Variants in MARCHF6 observed in about 807,000 individuals in gnomAD.
MARCHF6 encodes the protein E3 ubiquitin-protein ligase MARCHF6.
MARCHF6 carries 31 observed loss-of-function variants against 133.7 expected under a neutral mutation model. The observed-to-expected ratio is 0.23, with a 90% CI of 0.17 to 0.31. MARCHF6 has a LOEUF of 0.31. Ranked by LOEUF, MARCHF6 falls within the 10% of genes least tolerant of loss-of-function variation. The pLI, the probability that MARCHF6 is intolerant of heterozygous loss-of-function variation, is 1.00. For missense variants in MARCHF6, 723 were observed against 1,121.6 expected, an observed-to-expected ratio of 0.64 and a Z score of 5.08; for synonymous variants, 395 against 402.5, an observed-to-expected ratio of 0.98 and a Z score of 0.22.
intron 9 of MARCHF6, among the ~76,000 whole-genome samples, chr5:10,396,468 T>A (rs1415787936): frequency 6.6e-6 from 1 of 152,062 alleles, no homozygotes; most frequent in African/African-American, 2.4e-5. Flanking sequence ...TGAGAAGAAA[T>A]GTAGTAGTCA....
At chr5:10,400,707 T>C (rs1738477992) in intron 10 of MARCHF6, 77 bp from the exon 11 acceptor site, 1 of 1,065,198 alleles carries the variant, frequency 9.4e-7, no homozygotes, top group Non-Finnish European at 1.5e-6. Context: ...CCCTAGTTCC[T>C]TTTAGTGGGG....
intron 9 of MARCHF6, among the ~76,000 whole-genome samples, chr5:10,396,175 A>G (rs1579575668): frequency 2.0e-5 from 3 of 152,360 alleles, no homozygotes; most frequent in Middle Eastern, 3.4e-3. Flanking sequence ...TTCAATGCCT[A>G]TGAATGAGAC....
chr5:10,390,191 A>AT, intron 5 of MARCHF6, 141 bp from the exon 6 acceptor site: 1 of 672,700 alleles, frequency 1.5e-6, no homozygotes, highest in East Asian at 2.8e-5. Flanking sequence ...GAAACTTGAG[A>AT]TTTTCATCCA....
At chr5:10,388,044 T>C (rs961244689) in intron 5 of MARCHF6, among the ~76,000 whole-genome samples, 2 of 152,246 alleles carry the variant, frequency 1.3e-5, no homozygotes, top group Non-Finnish European at 2.9e-5. Context: ...ATTATTAGAA[T>C]ATAAATGCTA....
At chr5:10,401,922 C>G in intron 11 of MARCHF6, 137 bp from the exon 12 acceptor site, 1 of 612,974 alleles carries the variant, frequency 1.6e-6, no homozygotes, top group South Asian at 2.2e-5. Flanking sequence ...TCATCCAAAG[C>G]AGATTTTACA....
intron 5 of MARCHF6, among the ~76,000 whole-genome samples, chr5:10,388,443 A>G (rs566217271): frequency 1.3e-5 from 2 of 152,260 alleles, no homozygotes; most frequent in South Asian, 4.2e-4. Context: ...GGTCATGTCT[A>G]GGTGCACTGT....
chr5:10,422,383 A>G (rs551432044), intron 22 of MARCHF6, among the ~76,000 whole-genome samples: 38 of 152,328 alleles, frequency 2.5e-4, no homozygotes, highest in Admixed American at 1.9e-3. Context: ...TGTAGTTTGA[A>G]GGGGCTCATG....
At chr5:10,378,618 G>A (rs941949504) in intron 2 of MARCHF6, 141 bp from the exon 3 acceptor site, 2 of 580,864 alleles carry the variant, frequency 3.4e-6, no homozygotes, top group African/African-American at 2.0e-5. Context: ...GTTACAAAAA[G>A]TTAAGAATAT....
intron 8 of MARCHF6, among the ~76,000 whole-genome samples, 186 bp from the exon 9 acceptor site, chr5:10,394,567 A>T (rs1257962622): frequency 6.6e-6 from 1 of 152,226 alleles, no homozygotes; most frequent in Non-Finnish European, 1.5e-5. Context: ...GACCCAAAAT[A>T]TAAAACTCTC....
At chr5:10,365,819 T>C (rs1400768382) in intron 1 of MARCHF6, among the ~76,000 whole-genome samples, 1 of 152,218 alleles carries the variant, frequency 6.6e-6, no homozygotes, top group Non-Finnish European at 1.5e-5. Flanking sequence ...TTACAGTGGC[T>C]GTCTTTTTTT....
At chr5:10,379,904 CCAAA>C (rs1242197256) in intron 3 of MARCHF6, among the ~76,000 whole-genome samples, 12 of 152,190 alleles carry the variant, frequency 7.9e-5, no homozygotes, top group South Asian at 4.1e-4. Flanking sequence ...CATTGCTTGG[CCAAA>C]CAAAGTTTTA....
chr5:10,366,538 C>T (rs745647369), intron 1 of MARCHF6, among the ~76,000 whole-genome samples: 9 of 152,102 alleles, frequency 5.9e-5, no homozygotes, highest in Admixed American at 3.3e-4. Context: ...TACTTGAGAC[C>T]GTCATTATGA....
At chr5:10,355,648 T>TGTA (rs1735410422) in intron 1 of MARCHF6, among the ~76,000 whole-genome samples, 1 of 152,370 alleles carries the variant, frequency 6.6e-6, no homozygotes, top group African/African-American at 2.4e-5. Context: ...AGACTCAACG[T>TGTA]GTAGTATGTG....
rs1330266691 is a variant in MARCHF6 at position 10,438,335 on chromosome 5, T to C, written c.*4651T>C. 1 of 152,238 alleles carries C rather than the reference T, an allele frequency of 6.6e-6. No individual in the cohort carries two copies. The highest frequency in any genetic ancestry group is 1.9e-4 in the East Asian group (1 of 5,208). The allele number at this position is 152,238 out of a possible 1,614,324, so 9.4% of individuals were successfully genotyped here. On this transcript the variant is annotated 3_prime_UTR_variant, in exon 26 of 26. Transcript: ENST00000274140. ...ACTATTTCTAATTTTTCTTTGTTTATAGGTTCAGAATTTTTTCCATGATTG... is the reference window on the plus strand; with the variant it reads ...ACTATTTCTAATTTTTCTTTGTTTACAGGTTCAGAATTTTTTCCATGATTG...
At chr5:10,417,535 C>G (rs950318320) in intron 22 of MARCHF6, 131 bp downstream of exon 22, 4 of 1,194,776 alleles carry the variant, frequency 3.3e-6, no homozygotes, top group Middle Eastern at 5.6e-4. Context: ...TGCTTGCACC[C>G]AGGAGTTCGA....
rs770855057 is a variant in MARCHF6, at chr5:10,390,492, C to G, written c.568C>G (p.Gln190Glu). ...ACCGTTCAATGCTGCGGGGCATCAC[C>G]AAAATGAGGTAACTCCCCTACCCCA... ...APPFNAAGHHQNEAPAGGNGA... is the reference protein window; with the variant it reads ...APPFNAAGHHENEAPAGGNGA... Residue 190 changes from glutamine (Q) to glutamate (E), a missense_variant, in exon 6 of 26, where the codon CAA becomes GAA. By Grantham distance (29) the Gln-to-Glu change is conservative. Transcript: ENST00000274140. 4 of 1,611,926 alleles carry G rather than the reference C, an allele frequency of 2.5e-6. No homozygotes were observed. The Admixed American group carries it at 5.1e-5, about 20-fold the overall frequency.
At chr5:10,425,773 T>G (rs886068368) in intron 23 of MARCHF6, among the ~76,000 whole-genome samples, 1 of 152,234 alleles carries the variant, frequency 6.6e-6, no homozygotes, top group African/African-American at 2.4e-5. Flanking sequence ...TTCCCAGGGT[T>G]TTCCCATTTC....
rs965409342 is a variant in MARCHF6 at position 10,436,583 on chromosome 5, A to G, written c.*2899A>G. The G allele has an allele frequency of 7.2e-5, 11 of 152,258 alleles. No homozygotes were observed. Among genetic ancestry groups the G allele is most frequent in the African/African-American group, 2.6e-4 (11 of 41,556 alleles). 9.4% of individuals were successfully genotyped at this position (152,258 alleles called of 1,614,324 possible). On this transcript the variant is annotated 3_prime_UTR_variant, in exon 26 of 26. Transcript: ENST00000274140. ...AAGACCTTTTTGTTTTATTTTTACT[A>G]TTTATATATAGAAGACAAATCAGCA...
intron 5 of MARCHF6, among the ~76,000 whole-genome samples, chr5:10,389,583 A>G (rs1737694573): frequency 6.6e-6 from 1 of 152,060 alleles, no homozygotes; most frequent in Non-Finnish European, 1.5e-5. Context: ...TTGTATTTTT[A>G]GTACAGATGG....
Sources: gnomAD v4.1 joint callset for allele counts (sites outside exome capture counted in the v4.1 genomes callset) on GRCh38, gnomAD v4.1.1 for gene constraint, MANE v1.5 for transcripts, NCBI Gene and HGNC (gene_info 2026-07-23, HGNC 2026-07-21) for gene names.